Variants in CTNNBL1 observed in about 807,000 individuals in gnomAD.
The protein encoded by CTNNBL1 is catenin beta like 1.
A neutral mutation model predicts 72.7 loss-of-function variants in CTNNBL1; 31 were observed. The observed-to-expected ratio is 0.43, with a 90% CI of 0.32 to 0.58. CTNNBL1 has a LOEUF of 0.58. CTNNBL1 is among the 20% of genes least tolerant of loss of function. CTNNBL1 has a pLI of 0.08. For synonymous variants in CTNNBL1, 240 were observed against 267.3 expected, an observed-to-expected ratio of 0.90 and a Z score of 1.00; for missense variants, 534 against 725.1, an observed-to-expected ratio of 0.74 and a Z score of 3.03.
chr20:37,779,035 C>T, intron 9 of CTNNBL1, 152 bp from the exon 10 acceptor site: 1 of 727,250 alleles, frequency 1.4e-6, no homozygotes. Context: ...TTTAGTTTCT[C>T]TAAAATGGAA....
intron 10 of CTNNBL1, among the ~76,000 whole-genome samples, chr20:37,801,001 T>C (rs777945529): frequency 2.6e-5 from 4 of 152,240 alleles, no homozygotes; most frequent in Admixed American, 1.3e-4. Flanking sequence ...TAACTGAATC[T>C]AAGAGATCCA....
intron 13 of CTNNBL1, among the ~76,000 whole-genome samples, chr20:37,845,212 A>G (rs935074894): frequency 6.6e-6 from 1 of 152,136 alleles, no homozygotes; most frequent in Non-Finnish European, 1.5e-5. Flanking sequence ...GCTTTATTTG[A>G]GGTGCAGCTT....
At chr20:37,835,750 T>A (rs1019199200) in intron 11 of CTNNBL1, among the ~76,000 whole-genome samples, 3 of 152,192 alleles carry the variant, frequency 2.0e-5, no homozygotes, top group African/African-American at 7.2e-5. Flanking sequence ...AACTGGAAAC[T>A]ACCTAAAATA....
At chr20:37,782,758 C>A (rs2073636935) in intron 10 of CTNNBL1, among the ~76,000 whole-genome samples, 1 of 152,102 alleles carries the variant, frequency 6.6e-6, no homozygotes, top group African/African-American at 2.4e-5. Context: ...ACATTTACAT[C>A]CCAATTCAGA....
At chr20:37,696,049 G>A (rs186694034) in intron 1 of CTNNBL1, among the ~76,000 whole-genome samples, 18 of 152,302 alleles carry the variant, frequency 1.2e-4, no homozygotes, top group Admixed American at 6.5e-4. Context: ...TTGTATGCCG[G>A]CTTGGAATTT....
intron 11 of CTNNBL1, among the ~76,000 whole-genome samples, chr20:37,820,084 C>T (rs2122768879): frequency 6.6e-6 from 1 of 151,856 alleles, no homozygotes; most frequent in Non-Finnish European, 1.5e-5. Context: ...AGCATATTGG[C>T]CAGGCTGGTC....
At chr20:37,751,357 A>G (rs1271137490) in intron 4 of CTNNBL1, 1 of 152,176 alleles carries the variant, frequency 6.6e-6, no homozygotes, top group Non-Finnish European at 1.5e-5. Flanking sequence ...TTAAGCAGGG[A>G]AAAATTTTTA....
chr20:37,706,315 C>G (rs2072884350), intron 1 of CTNNBL1, among the ~76,000 whole-genome samples: 2 of 152,204 alleles, frequency 1.3e-5, no homozygotes, highest in African/African-American at 4.8e-5. Context: ...TGTGCTGTTT[C>G]ATAGCGTTTT....
At chr20:37,694,770 C>G (rs970180656) in intron 1 of CTNNBL1, among the ~76,000 whole-genome samples, 13 of 152,298 alleles carry the variant, frequency 8.5e-5, no homozygotes, top group Non-Finnish European at 1.5e-4. Context: ...GAATCTTGCT[C>G]AGGGTCCCCC....
chr20:37,863,522 T>A (rs2122868309), intron 15 of CTNNBL1, among the ~76,000 whole-genome samples: 1 of 152,306 alleles, frequency 6.6e-6, no homozygotes, highest in South Asian at 2.1e-4. Flanking sequence ...GGACTAGGAC[T>A]GGTACCCAAA....
chr20:37,769,269 T>C (rs954277929), intron 7 of CTNNBL1, among the ~76,000 whole-genome samples: 17 of 152,340 alleles, frequency 1.1e-4, no homozygotes, highest in African/African-American at 4.1e-4. Context: ...TTCATAGAAG[T>C]AGAATTGATA....
In CTNNBL1 at chr20:37,801,749, T is replaced by TCATACTTC. The variant is rs564530317; in HGVS notation, c.1032-1117_1032-1110dup. ...TTCTACAAAAAACCCATAACTAATG[T>TCATACTTC]CATACTTCATGGTGAAAGAGTGGAT... On this transcript the variant is annotated intron_variant, in intron 10 of 15. Coordinates refer to ENST00000361383, the MANE Select transcript of CTNNBL1 (RefSeq NM_030877.5). 1.8e-4 allele frequency among the ~76,000 whole-genome samples: 27 copies of TCATACTTC among 152,322 alleles called. No homozygotes were observed. The South Asian group carries it at 3.3e-3, about 19-fold the overall frequency.
chr20:37,832,884 C>T (rs1040626231), intron 11 of CTNNBL1, among the ~76,000 whole-genome samples: 11 of 151,896 alleles, frequency 7.2e-5, no homozygotes, highest in African/African-American at 2.7e-4. Context: ...GTTGGAGTGA[C>T]TGCCACAGTC....
chr20:37,858,415 C>G (rs1317770401), intron 13 of CTNNBL1, among the ~76,000 whole-genome samples: 1 of 152,176 alleles, frequency 6.6e-6, no homozygotes, highest in Non-Finnish European at 1.5e-5. Flanking sequence ...AAGGTGCTCT[C>G]AGCAATTTTA....
intron 5 of CTNNBL1, among the ~76,000 whole-genome samples, chr20:37,759,454 C>T (rs1008761448): frequency 6.6e-6 from 1 of 152,106 alleles, no homozygotes; most frequent in African/African-American, 2.4e-5. Flanking sequence ...TACCCAGAAA[C>T]AGCAATTCAC....
intron 7 of CTNNBL1, among the ~76,000 whole-genome samples, chr20:37,772,090 A>G (rs2073530311): frequency 6.6e-6 from 1 of 152,190 alleles, no homozygotes; most frequent in African/African-American, 2.4e-5. Flanking sequence ...TGTAAAGTGG[A>G]GATGACTCCA....
intron 1 of CTNNBL1, among the ~76,000 whole-genome samples, chr20:37,725,620 A>G (rs2073078057): frequency 6.6e-6 from 1 of 151,002 alleles, no homozygotes. Context: ...TTCTTAATCA[A>G]GTATGTCAGG....
chr20:37,806,569 A>G lies in CTNNBL1; in HGVS notation c.1213+3521A>G, dbSNP rs150857223. Among the ~76,000 whole-genome samples the G allele has an allele frequency of 2.4e-4, 37 of 152,316 alleles. No individual in the cohort carries two copies. In the Middle Eastern group the frequency reaches 0.01, roughly 42 times the overall value. On this transcript the variant is annotated intron_variant, in intron 11 of 15. Transcript: ENST00000361383. The stretch of plus-strand genomic sequence containing the variant: ...AGCAGGTTTTGGGGGAAAGCTACAC[A>G]TATTTATGAGGGGAGTCAAGTGCAT...
intron 2 of CTNNBL1, among the ~76,000 whole-genome samples, chr20:37,735,406 G>A (rs1014032732): frequency 6.6e-6 from 1 of 152,320 alleles, no homozygotes; most frequent in African/African-American, 2.4e-5. Context: ...GATCATGTGA[G>A]GGATTTGGGA....
Sources: gnomAD v4.1 joint callset for allele counts (sites outside exome capture counted in the v4.1 genomes callset) on GRCh38, gnomAD v4.1.1 for gene constraint, MANE v1.5 for transcripts, NCBI Gene and HGNC (gene_info 2026-07-23, HGNC 2026-07-21) for gene names.